VPS13B: variants seen among roughly 807,000 people sequenced by gnomAD.
The protein encoded by VPS13B is intermembrane lipid transfer protein VPS13B.
In VPS13B, 285 loss-of-function variants were observed where a neutral mutation model predicts 426.4. That is an observed-to-expected ratio of 0.67 (90% CI 0.61 to 0.74). The LOEUF (loss-of-function observed/expected upper bound fraction) is 0.74. Ranked by LOEUF, VPS13B falls within the 30% of genes least tolerant of loss-of-function variation. VPS13B has a pLI of 0.00. For synonymous variants in VPS13B, 1,676 were observed against 1,676.4 expected (o/e 1.00, Z 0.01); for missense variants, 4,537 against 4,782.6 (o/e 0.95, Z 1.51).
At chr8:99,496,389 C>T (rs1820885402) in intron 25 of VPS13B, among the ~76,000 whole-genome samples, 2 of 152,192 alleles carry the variant, frequency 1.3e-5, no homozygotes, top group African/African-American at 4.8e-5. Flanking sequence ...TGTTGGCTCA[C>T]GCCTGTAATC....
intron 3 of VPS13B, among the ~76,000 whole-genome samples, chr8:99,050,483 C>A (rs558302424): frequency 1.3e-5 from 2 of 152,184 alleles, no homozygotes; most frequent in African/African-American, 4.8e-5. Flanking sequence ...TGAATAGTGC[C>A]TCAATAAACA....
chr8:99,306,638 G>T (rs1276284597), intron 19 of VPS13B, among the ~76,000 whole-genome samples: 2 of 152,032 alleles, frequency 1.3e-5, no homozygotes, highest in African/African-American at 4.8e-5. Flanking sequence ...AGTTTTCTGT[G>T]CTATTGGTGG....
At chr8:99,449,994 G>A (rs1563736533) in intron 23 of VPS13B, among the ~76,000 whole-genome samples, 2 of 151,906 alleles carry the variant, frequency 1.3e-5, no homozygotes, top group Non-Finnish European at 2.9e-5. Context: ...TAGTAGAGAC[G>A]GGGTTTCATC....
intron 19 of VPS13B, among the ~76,000 whole-genome samples, chr8:99,303,258 CAAAAAAAA>C (rs757187342): frequency 1.7e-5 from 1 of 57,304 alleles, no homozygotes; most frequent in Non-Finnish European, 3.0e-5. Context: ...CAGCCTGTCT[CAAAAAAAA>C]AAAAAAAAAA....
intron 33 of VPS13B, chr8:99,613,990 T>G (rs573061780): frequency 6.6e-6 from 1 of 152,344 alleles, no homozygotes; most frequent in African/African-American, 2.4e-5. Flanking sequence ...ACTGGCATAG[T>G]GCACTACAGC....
intron 58 of VPS13B, among the ~76,000 whole-genome samples, chr8:99,866,521 C>T (rs1817107648): frequency 6.6e-6 from 1 of 152,248 alleles, no homozygotes; most frequent in Non-Finnish European, 1.5e-5. Context: ...CTCAGGCTTT[C>T]CACTTTTGGG....
In VPS13B at chr8:99,313,029, A is replaced by T. The variant is rs577007756; in HGVS notation, c.2824+37775A>T. On this transcript the variant is annotated intron_variant, in intron 19 of 61. Transcript: ENST00000357162. ...GTTTGTCAGCTCCATCAGGTCATTT[A>T]AGGACTTCTCTGCATTGGTTATTCT... Among the ~76,000 whole-genome samples the T allele has an allele frequency of 2.0e-5, 3 of 152,310 alleles. No individual in the cohort carries two copies. In the East Asian group the frequency reaches 5.8e-4, roughly 29 times the overall value.
chr8:99,785,487 C>G (rs891813884), intron 43 of VPS13B, among the ~76,000 whole-genome samples: 1 of 151,988 alleles, frequency 6.6e-6, no homozygotes, highest in African/African-American at 2.4e-5. Context: ...ATATTTAGTT[C>G]ACATTAATCT....
At chr8:99,206,249 A>G (rs990131201) in intron 17 of VPS13B, among the ~76,000 whole-genome samples, 15 of 152,192 alleles carry the variant, frequency 9.9e-5, no homozygotes, top group Non-Finnish European at 1.8e-4. Context: ...TAACTTACAG[A>G]CTTTAAAATC....
At chr8:99,485,290 A>G (rs1198760435) in intron 25 of VPS13B, among the ~76,000 whole-genome samples, 1 of 152,202 alleles carries the variant, frequency 6.6e-6, no homozygotes, top group Non-Finnish European at 1.5e-5. Flanking sequence ...ATAACAAGAG[A>G]GGAAGGAGCT....
chr8:99,659,907 G>C (rs1283477797), intron 34 of VPS13B, among the ~76,000 whole-genome samples: 1 of 152,132 alleles, frequency 6.6e-6, no homozygotes, highest in Non-Finnish European at 1.5e-5. Context: ...GATGATAGCT[G>C]TGGTGGTGGG....
intron 17 of VPS13B, among the ~76,000 whole-genome samples, chr8:99,273,408 C>A (rs149630920): frequency 6.6e-6 from 1 of 151,888 alleles, no homozygotes; most frequent in African/African-American, 2.4e-5. Flanking sequence ...CCTCGTGATC[C>A]GCTTGCCTAG....
At chr8:99,743,055 A>T (rs2130488480) in intron 39 of VPS13B, among the ~76,000 whole-genome samples, 1 of 152,362 alleles carries the variant, frequency 6.6e-6, no homozygotes, top group Admixed American at 6.5e-5. Context: ...TGCAGGCGAC[A>T]TGATTGTATA....
chr8:99,059,828 G>A (rs1056663331), intron 3 of VPS13B, among the ~76,000 whole-genome samples: 11 of 150,332 alleles, frequency 7.3e-5, no homozygotes, highest in Admixed American at 6.7e-5. Context: ...CACCTCCCAG[G>A]TTCAAGCAAT....
intron 24 of VPS13B, among the ~76,000 whole-genome samples, chr8:99,471,526 G>T (rs1224256626): frequency 6.6e-6 from 1 of 151,856 alleles, no homozygotes; most frequent in Non-Finnish European, 1.5e-5. Context: ...AAAGGATAAA[G>T]CCAAAAAGTC....
intron 21 of VPS13B, among the ~76,000 whole-genome samples, chr8:99,402,180 A>G (rs1815072946): frequency 6.6e-6 from 1 of 152,186 alleles, no homozygotes. Context: ...ACATGCAGTG[A>G]GTTACATGAA....
chr8:99,720,299 A>T (rs776732823), intron 37 of VPS13B, 46 bp from the exon 38 acceptor site: 4 of 1,480,002 alleles, frequency 2.7e-6, no homozygotes, highest in Non-Finnish European at 3.8e-6. Context: ...AGTCTCAAGA[A>T]ATGTTTGTAT....
chr8:99,188,084 G>A (rs1813323853), intron 16 of VPS13B, among the ~76,000 whole-genome samples: 1 of 138,120 alleles, frequency 7.2e-6, no homozygotes, highest in African/African-American at 2.6e-5. Flanking sequence ...GTGAGGGAAG[G>A]CATTGGTATT....
intron 47 of VPS13B, 114 bp from the exon 48 acceptor site, chr8:99,819,298 A>T: frequency 7.9e-7 from 1 of 1,259,004 alleles, no homozygotes; most frequent in Non-Finnish European, 1.1e-6. Context: ...AATGGACTCT[A>T]TCTACCAAAA....
Sources: gnomAD v4.1 joint callset for allele counts (sites outside exome capture counted in the v4.1 genomes callset) on GRCh38, gnomAD v4.1.1 for gene constraint, MANE v1.5 for transcripts, NCBI Gene and HGNC (gene_info 2026-07-23, HGNC 2026-07-21) for gene names.